The following CARM1 variants were observed in gnomAD, a reference collection of about 807,000 sequenced individuals.
CARM1 encodes the protein coactivator associated arginine methyltransferase 1, also known as histone-arginine methyltransferase CARM1.
In CARM1, 14 loss-of-function variants were observed where a neutral mutation model predicts 72.7. That is an observed-to-expected ratio of 0.19 (90% CI 0.13 to 0.30). The LOEUF (loss-of-function observed/expected upper bound fraction) is 0.30. Among genes scored for constraint, CARM1 ranks in the 10% least tolerant of loss-of-function variants. The probability of loss-of-function intolerance (pLI) is 1.00; values close to 1 mark genes in which losing one functional copy is unlikely to be tolerated. For synonymous variants in CARM1, 333 were observed against 345.5 expected (o/e 0.96, Z 0.40); for missense variants, 432 against 833.7 (o/e 0.52, Z 5.93).
At chr19:10,913,074 GGGAC>G (rs1290100179) in intron 5 of CARM1, among the ~76,000 whole-genome samples, 1 of 152,018 alleles carries the variant, frequency 6.6e-6, no homozygotes, top group African/African-American at 2.4e-5. Flanking sequence ...GCCGCAGCAG[GGGAC>G]GGCCCTGAGG....
At chr19:10,909,250 G>T in intron 4 of CARM1, 43 bp downstream of exon 4, 1 of 1,306,858 alleles carries the variant, frequency 7.7e-7, no homozygotes, top group South Asian at 1.3e-5. Flanking sequence ...CTTCTGTCTC[G>T]GTTTTTTTTT....
chr19:10,921,047 CA>C lies in CARM1; in HGVS notation c.1538-2del. The stretch of plus-strand genomic sequence containing the variant: ...GCCCTGACGTCTCCCTCTCTGGACA[CA>C]GGGATGCCGACCGCCTATGACTTGA... On this transcript the variant is annotated splice_acceptor_variant, in intron 13 of 15. Transcript: ENST00000327064. LOFTEE classifies it high-confidence loss of function. 6.2e-7 allele frequency: 1 copy of C among 1,614,090 alleles called. No individual in the cohort carries two copies. The highest frequency in any genetic ancestry group is 8.5e-7 in the Non-Finnish European group (1 of 1,179,930).
intron 1 of CARM1, among the ~76,000 whole-genome samples, chr19:10,898,867 G>C (rs1309259226): frequency 2.0e-5 from 3 of 152,158 alleles, no homozygotes. Context: ...AAGGGAGAAA[G>C]TGGGAACAGC....
rs1309153854 is a variant in CARM1, at chr19:10,912,067, G to T, written c.559-117G>T. 1.9e-5 allele frequency: 15 copies of T among 799,038 alleles called. No individual in the cohort carries two copies. In the South Asian group the frequency reaches 2.1e-4, roughly 11 times the overall value. 49.5% of individuals were successfully genotyped at this position (799,038 alleles called of 1,614,324 possible). A position where few individuals can be genotyped will look rare whatever the true frequency, so the allele number is the denominator to read the frequency against. ...CATTTTGACCAAGAGCCCATAAAGGGCAAACATTGAGAGTGAAGACAGACG... is the reference window on the plus strand; with the variant it reads ...CATTTTGACCAAGAGCCCATAAAGGTCAAACATTGAGAGTGAAGACAGACG... On this transcript the variant is annotated intron_variant, in intron 4 of 15. Coordinates refer to ENST00000327064, the MANE Select transcript of CARM1 (RefSeq NM_199141.2). The surrounding 1 kb of genome is among the most constrained non-coding windows in gnomAD (Gnocchi z 4.5).
At chr19:10,917,086 A>C (rs1322933529) in intron 8 of CARM1, among the ~76,000 whole-genome samples, 19 of 152,104 alleles carry the variant, frequency 1.2e-4, no homozygotes. Context: ...AATAATAAAA[A>C]TAAAAAAGAA....
At chr19:10,875,147 C>T (rs1015371282) in intron 1 of CARM1, among the ~76,000 whole-genome samples, 1 of 152,120 alleles carries the variant, frequency 6.6e-6, no homozygotes, top group African/African-American at 2.4e-5. Context: ...AATGGATTCT[C>T]TCTCAGTTCA....
rs1163174094 is a variant in CARM1 at position 10,912,146 on chromosome 19, C to T, written c.559-38C>T. 8 of 1,484,090 alleles carry T rather than the reference C, an allele frequency of 5.4e-6. No individual in the cohort carries two copies. In the African/African-American group the frequency reaches 6.9e-5, roughly 13 times the overall value. 91.9% of individuals were successfully genotyped at this position (1,484,090 alleles called of 1,614,324 possible). Reference sequence around the variant, plus strand: ...ACTGTCACCTCCCCATCACCGTCGCCTCCTATGTCTCGCTCTCACCTCCCA... The same window carrying T: ...ACTGTCACCTCCCCATCACCGTCGCTTCCTATGTCTCGCTCTCACCTCCCA... On this transcript the variant is annotated intron_variant, in intron 4 of 15. Transcript: ENST00000327064. This position sits in a 1 kb window ranked among gnomAD's most constrained non-coding sequence, Gnocchi z 4.5.
chr19:10,874,436 G>A (rs1191423991), intron 1 of CARM1, among the ~76,000 whole-genome samples: 3 of 150,122 alleles, frequency 2.0e-5, no homozygotes, highest in Non-Finnish European at 3.0e-5. Flanking sequence ...CTGTTGCTCA[G>A]ACTGGAGTGC....
At chr19:10,904,493 T>G (rs1484434851) in intron 1 of CARM1, among the ~76,000 whole-genome samples, 1 of 152,186 alleles carries the variant, frequency 6.6e-6, no homozygotes, top group East Asian at 1.9e-4. Context: ...CCAGAGAGGC[T>G]GAGGGACATG....
chr19:10,871,863 A>G lies in CARM1; in HGVS notation c.161A>G (p.Gln54Arg). 1 of 1,287,822 alleles carries G rather than the reference A, an allele frequency of 7.8e-7. No individual in the cohort carries two copies. The allele number at this position is 1,287,822 out of a possible 1,614,324, so 79.8% of individuals were successfully genotyped here. Residue 54 changes from glutamine to arginine, a missense_variant, in exon 1 of 16, where the codon CAG (glutamine) becomes CGG (arginine). Coordinates refer to ENST00000327064, the MANE Select transcript of CARM1 (RefSeq NM_199141.2). The surrounding 1 kb of genome is among the most constrained non-coding windows in gnomAD (Gnocchi z 5.6). ...NGEIQRHAEQ[Q>R]ALRLEVRAGP... is the part of the protein sequence containing the mutation. ...GAGATCCAGCGGCACGCGGAGCAGC[A>G]GGCGCTGCGCCTCGAGGTGCGCGCC...
intron 1 of CARM1, among the ~76,000 whole-genome samples, chr19:10,877,734 T>G (rs989766555): frequency 6.6e-6 from 1 of 152,066 alleles, no homozygotes; most frequent in South Asian, 2.1e-4. Flanking sequence ...TGTTTTATTA[T>G]TTATTTATTT....
rs771637225 is a variant in CARM1, at chr19:10,920,642, C to T, written c.1335-17C>T. The T allele has an allele frequency of 1.9e-6, 3 of 1,614,130 alleles. No homozygotes were observed. The South Asian group carries it at 3.3e-5, about 18-fold the overall frequency. ...TCTGCCCAGCAGCTCATGCCACGGC[C>T]TGCACCCTGTCCGCAGACAGAGCTA... On this transcript the variant is annotated splice_polypyrimidine_tract_variant and intron_variant, in intron 11 of 15. Coordinates refer to ENST00000327064, the MANE Select transcript of CARM1 (RefSeq NM_199141.2). This position sits in a 1 kb window ranked among gnomAD's most constrained non-coding sequence, Gnocchi z 5.3.
Position 10,920,091 on chromosome 19 carries a change from C to A in CARM1, c.1196+125C>A. The A allele has an allele frequency of 2.6e-6, 2 of 757,232 alleles. No individual in the cohort carries two copies. The highest frequency in any genetic ancestry group is 3.0e-5 in the South Asian group (2 of 66,152). 46.9% of individuals were successfully genotyped at this position (757,232 alleles called of 1,614,324 possible). A position where few individuals can be genotyped will look rare whatever the true frequency, so the allele number is the denominator to read the frequency against. On this transcript the variant is annotated intron_variant, in intron 10 of 15. Coordinates refer to ENST00000327064, the MANE Select transcript of CARM1 (RefSeq NM_199141.2). This position sits in a 1 kb window ranked among gnomAD's most constrained non-coding sequence, Gnocchi z 5.3. ...CCATCCCTTCCAATGGGAGTGAGAG[C>A]CTGTCTCGGAGCAAGAGACTGTTGT...
intron 5 of CARM1, among the ~76,000 whole-genome samples, chr19:10,913,214 C>T (rs1395872941): frequency 2.6e-5 from 4 of 152,036 alleles, no homozygotes; most frequent in African/African-American, 4.8e-5. Context: ...AAGTGATTCT[C>T]CTGTCTCAGG....
Position 10,885,888 on chromosome 19 carries a change from ATTTTTTT to A in CARM1, c.220+13986_220+13992del, listed in dbSNP as rs766173367. Among the ~76,000 whole-genome samples, 8 of 78,770 alleles carry A rather than the reference ATTTTTTT, an allele frequency of 1.0e-4. No homozygotes were observed. In the South Asian group the frequency reaches 1.8e-3, roughly 17 times the overall value. The allele number at this position is 78,770 out of a possible 152,430, so 51.7% of individuals were successfully genotyped here. A position where few individuals can be genotyped will look rare whatever the true frequency, so the allele number is the denominator to read the frequency against. On this transcript the variant is annotated intron_variant, in intron 1 of 15. Transcript: ENST00000327064. ...CACAGCAGCCACAGCTCACTCCCTC[ATTTTTTT>A]TTTTTTTTTTTTTTTTTTTGAGACA...
rs1463325107 is a variant in CARM1 at position 10,916,167 on chromosome 19, G to A, written c.848-240G>A. 6.6e-6 allele frequency among the ~76,000 whole-genome samples: 1 copy of A among 152,188 alleles called. No individual in the cohort carries two copies. The highest frequency in any genetic ancestry group is 2.4e-5 in the African/African-American group (1 of 41,440). Reference sequence around the variant, plus strand: ...AGGTCTAGTAATAGGACATAAAGATGAGCCACCAGCCTCCCAGTCTCAGGT... The same window carrying A: ...AGGTCTAGTAATAGGACATAAAGATAAGCCACCAGCCTCCCAGTCTCAGGT... On this transcript the variant is annotated intron_variant, in intron 6 of 15. Transcript: ENST00000327064. This position sits in a 1 kb window ranked among gnomAD's most constrained non-coding sequence, Gnocchi z 4.4.
intron 1 of CARM1, among the ~76,000 whole-genome samples, chr19:10,872,838 T>C (rs539029872): frequency 5.8e-4 from 89 of 152,284 alleles, no homozygotes; most frequent in Non-Finnish European, 6.9e-4. Flanking sequence ...GCTTTGTCTT[T>C]CAGGGCTTCT....
At chr19:10,883,377 C>A (rs1246577120) in intron 1 of CARM1, among the ~76,000 whole-genome samples, 1 of 152,054 alleles carries the variant, frequency 6.6e-6, no homozygotes, top group African/African-American at 2.4e-5. Flanking sequence ...GAGTCCCTTT[C>A]CCCGGTGTAG....
At chr19:10,902,033 C>T (rs547648058) in intron 1 of CARM1, among the ~76,000 whole-genome samples, 1 of 152,032 alleles carries the variant, frequency 6.6e-6, no homozygotes, top group African/African-American at 2.4e-5. Context: ...CGCTTGAGCT[C>T]AGGAGCTCAA....
Sources: allele counts gnomAD v4.1 joint callset (sites outside exome capture counted in the v4.1 genomes callset), GRCh38; gene constraint gnomAD v4.1.1; non-coding constraint Gnocchi (gnomAD v3.1); transcripts MANE v1.5; gene names NCBI Gene and HGNC (gene_info 2026-07-23, HGNC 2026-07-21).